SASH1: variants seen among roughly 807,000 people sequenced by gnomAD.
SASH1 encodes the protein SAM and SH3 domain containing 1.
A neutral mutation model predicts 125.2 loss-of-function variants in SASH1; 44 were observed. The ratio of observed to expected loss-of-function variants is 0.35; its 90% CI spans 0.28 to 0.45. The LOEUF (loss-of-function observed/expected upper bound fraction) is 0.45, where lower values mean the gene tolerates loss of function less well. SASH1 is among the 20% of genes least tolerant of loss of function. The pLI is 1.00. For missense variants in SASH1, 1,426 were observed against 1,614.5 expected (o/e 0.88, Z 2.00); for synonymous variants, 639 against 649.1 (o/e 0.98, Z 0.24).
rs576798745 is a variant in SASH1 at position 148,446,088 on chromosome 6, CTTTTTTTTTTTTTTTT to C, written c.386+5704_386+5719del. On this transcript the variant is annotated intron_variant, in intron 4 of 19. Coordinates refer to ENST00000367467, the MANE Select transcript of SASH1 (RefSeq NM_015278.5). ...TTGCTATCCTGAACAACATAGGGTT[CTTTTTTTTTTTTTTTT>C]TTTTTTTTTTTTTTTTTTTTTTGAG... Among the ~76,000 whole-genome samples the C allele has an allele frequency of 2.5e-4, 18 of 71,008 alleles. No individual in the cohort carries two copies. The South Asian group carries it at 7.6e-3, about 30-fold the overall frequency. 46.6% of individuals were successfully genotyped at this position (71,008 alleles called of 152,430 possible). A position where few individuals can be genotyped will look rare whatever the true frequency, so the allele number is the denominator to read the frequency against.
chr6:148,377,118 C>T (rs576919575), intron 1 of SASH1, among the ~76,000 whole-genome samples: 1 of 138,714 alleles, frequency 7.2e-6, no homozygotes, highest in Non-Finnish European at 1.5e-5. Flanking sequence ...TGCAGTGAGC[C>T]GAGATCCCGC....
At chr6:148,320,824 C>T (rs528694504) in intron 1 of SASH1, among the ~76,000 whole-genome samples, 57 of 152,288 alleles carry the variant, frequency 3.7e-4, no homozygotes, top group Admixed American at 1.1e-3. Flanking sequence ...CAAGTCCCTC[C>T]AACACTTAAT....
At position 148,299,671 on chromosome 6, in the gene SASH1, G is replaced by GAAAAAAAAAAA. The variant is rs57758957; in HGVS notation, n.74+27298_74+27308dup. On this transcript the variant is annotated intron_variant and non_coding_transcript_variant, in intron 1 of 3. Transcript: ENST00000367469. ...ATGGAAGCAAGACTCCACCTCAAAA[G>GAAAAAAAAAAA]AAAAAAAAAAAAAAGGCCTTTCAGG... Among the ~76,000 whole-genome samples the GAAAAAAAAAAA allele has an allele frequency of 3.8e-3, 434 of 114,886 alleles. 10 individuals are homozygous for GAAAAAAAAAAA. The highest frequency in any genetic ancestry group is 0.013 in the African/African-American group (396 of 30,928). The allele number at this position is 114,886 out of a possible 152,430, so 75.4% of individuals were successfully genotyped here.
chr6:148,195,568 C>T, the SASH1 span, among the ~76,000 whole-genome samples: 8 of 152,126 alleles, frequency 5.3e-5, no homozygotes, highest in South Asian at 2.1e-4. Context: ...GAAAATTCTC[C>T]CCTCATTTTG....
intron 1 of SASH1, among the ~76,000 whole-genome samples, chr6:148,298,879 G>GGGAGGGAAGGAA (rs1562312443): frequency 8.9e-5 from 13 of 145,562 alleles, no homozygotes; most frequent in African/African-American, 2.3e-4. Context: ...GAAGTAAGGA[G>GGGAGGGAAGGAA]GGAGGGAGGG....
intron 1 of SASH1, among the ~76,000 whole-genome samples, chr6:148,334,288 C>G (rs1292005375): frequency 6.8e-6 from 1 of 147,390 alleles, no homozygotes; most frequent in Non-Finnish European, 1.5e-5. Context: ...ATTAGCCGGG[C>G]GTGATGGCGG....
intron 5 of SASH1, among the ~76,000 whole-genome samples, chr6:148,469,792 C>G (rs1370506994): frequency 6.6e-6 from 1 of 151,814 alleles, no homozygotes; most frequent in African/African-American, 2.4e-5. Flanking sequence ...CTTTGGGAGG[C>G]CGAGGAGGGT....
intron 4 of SASH1, among the ~76,000 whole-genome samples, chr6:148,443,790 A>G (rs1314262210): frequency 3.3e-5 from 5 of 152,182 alleles, no homozygotes; most frequent in Non-Finnish European, 7.3e-5. Context: ...CATTGTCGCT[A>G]TAGAATAATT....
rs1481251036 is a variant in SASH1, at chr6:148,495,049, A to T, written c.729+7334A>T. Among the ~76,000 whole-genome samples the T allele has an allele frequency of 1.3e-5, 2 of 152,202 alleles. No individual in the cohort carries two copies. The highest frequency in any genetic ancestry group is 2.9e-5 in the Non-Finnish European group (2 of 68,032). ...CAATAACAGACATTGTCTTCAAGCC[A>T]GAGGATTTAGTTTCGAAGTTTTGGA... On this transcript the variant is annotated intron_variant, in intron 8 of 19. Transcript: ENST00000367467. This position sits in a 1 kb window ranked among gnomAD's most constrained non-coding sequence, Gnocchi z 4.0.
At chr6:148,326,383 T>G (rs1432223622) in intron 1 of SASH1, among the ~76,000 whole-genome samples, 8 of 75,372 alleles carry the variant, frequency 1.1e-4, no homozygotes, top group South Asian at 5.8e-4. Flanking sequence ...TACATTCTTT[T>G]CTTTTCTTTT....
intron 17 of SASH1, 91 bp from the exon 18 acceptor site, chr6:148,543,589 G>A (rs1276144197): frequency 9.0e-7 from 1 of 1,105,162 alleles, no homozygotes; most frequent in East Asian, 2.4e-5. Context: ...TGTGGGTGTT[G>A]GAGATTTCAA....
chr6:148,219,329 T>C, the SASH1 span, among the ~76,000 whole-genome samples: 1 of 152,174 alleles, frequency 6.6e-6, no homozygotes, highest in Non-Finnish European at 1.5e-5. Context: ...TTGTTTTCTC[T>C]CCTATTTTCT....
chr6:148,292,513 C>T (rs1028842244), intron 1 of SASH1, among the ~76,000 whole-genome samples: 7 of 152,136 alleles, frequency 4.6e-5, no homozygotes, highest in African/African-American at 1.7e-4. Flanking sequence ...ATGCACTGGC[C>T]TGTGGGGCTC....
the SASH1 span, among the ~76,000 whole-genome samples, chr6:148,264,968 C>T: frequency 4.0e-4 from 61 of 152,234 alleles, no homozygotes; most frequent in Non-Finnish European, 7.1e-4. Flanking sequence ...GTACAGACCA[C>T]GTGCTCACTA....
intron 1 of SASH1, among the ~76,000 whole-genome samples, chr6:148,362,532 C>T (rs2114712961): frequency 6.6e-6 from 1 of 151,670 alleles, no homozygotes; most frequent in South Asian, 2.1e-4. Flanking sequence ...TTCCTGCTTG[C>T]CATTTTTACT....
Position 148,345,631 on chromosome 6 carries a change from CTG to C in SASH1, c.156+2409_156+2410del, listed in dbSNP as rs200450491. On this transcript the variant is annotated intron_variant, in intron 1 of 19. Coordinates refer to ENST00000367467, the MANE Select transcript of SASH1 (RefSeq NM_015278.5). ...GCTGTCATCCAAGTGTTTATACAAA[CTG>C]AGTCTTCGGGGAAATACATCAAGAC... Among the ~76,000 whole-genome samples the C allele has an allele frequency of 5.3e-5, 8 of 152,340 alleles. No individual in the cohort carries two copies. In the East Asian group the frequency reaches 1.2e-3, roughly 22 times the overall value.
intron 1 of SASH1, among the ~76,000 whole-genome samples, chr6:148,367,476 A>G (rs888652218): frequency 6.6e-6 from 1 of 152,252 alleles, no homozygotes; most frequent in Non-Finnish European, 1.5e-5. Context: ...GGGAAACAGA[A>G]CAAAACACAT....
intron 7 of SASH1, among the ~76,000 whole-genome samples, chr6:148,474,486 C>T (rs1778254808): frequency 6.6e-6 from 1 of 152,212 alleles, no homozygotes; most frequent in African/African-American, 2.4e-5. Context: ...CTGCAAAATT[C>T]ACAAGCCTTT....
At chr6:148,355,435 A>G (rs1781893832) in intron 1 of SASH1, among the ~76,000 whole-genome samples, 1 of 152,226 alleles carries the variant, frequency 6.6e-6, no homozygotes, top group South Asian at 2.1e-4. Context: ...GATGAGCATT[A>G]AATAGGTGTC....
Sources: gnomAD v4.1 joint callset for allele counts (sites outside exome capture counted in the v4.1 genomes callset) on GRCh38, gnomAD v4.1.1 for gene constraint, Gnocchi (gnomAD v3.1) non-coding constraint, MANE v1.5 for transcripts, NCBI Gene and HGNC (gene_info 2026-07-23, HGNC 2026-07-21) for gene names.